IQSEC1: variants seen among roughly 807,000 people sequenced by gnomAD.
IQSEC1 encodes the protein IQ motif and Sec7 domain ArfGEF 1, also known as IQ motif and SEC7 domain-containing protein 1.
A neutral mutation model predicts 91.0 loss-of-function variants in IQSEC1; 31 were observed. The ratio of observed to expected loss-of-function variants is 0.34; its 90% CI spans 0.26 to 0.46. The LOEUF is 0.46. Ranked by LOEUF, IQSEC1 falls within the 20% of genes least tolerant of loss-of-function variation. IQSEC1 has a pLI of 1.00. For synonymous variants in IQSEC1, 699 were observed against 662.6 expected, an observed-to-expected ratio of 1.05 and a Z score of -0.84; for missense variants, 1,388 against 1,575.6, an observed-to-expected ratio of 0.88 and a Z score of 2.02.
chr3:13,135,395 G>A (rs1430282725), intron 2 of IQSEC1, among the ~76,000 whole-genome samples: 7 of 152,254 alleles, frequency 4.6e-5, no homozygotes, highest in Non-Finnish European at 1.0e-4. Context: ...CAGAAGGCTG[G>A]AGCCAGTGCC....
Position 12,956,817 on chromosome 3 carries a change from G to C in IQSEC1, c.24-14952C>G, listed in dbSNP as rs372261953. The stretch of plus-strand genomic sequence containing the variant: ...TACAGCTCCCCTACTTCCAGGCTGA[G>C]TGGCCCCAGGCAAGTGCCCTCCACT... On this transcript the variant is annotated intron_variant, in intron 1 of 13. Coordinates refer to ENST00000613206, the MANE Select transcript of IQSEC1 (RefSeq NM_001134382.3). Among the ~76,000 whole-genome samples, 5 of 152,294 alleles carry C rather than the reference G, an allele frequency of 3.3e-5. No homozygotes were observed. In the East Asian group the frequency reaches 9.7e-4, roughly 29 times the overall value.
chr3:12,977,200 T>C lies in IQSEC1; in HGVS notation c.24-35335A>G, dbSNP rs141650818. Among the ~76,000 whole-genome samples, 5 of 152,062 alleles carry C rather than the reference T, an allele frequency of 3.3e-5. No individual in the cohort carries two copies. In the East Asian group the frequency reaches 9.7e-4, roughly 29 times the overall value. On this transcript the variant is annotated intron_variant, in intron 1 of 13. Transcript: ENST00000613206. ...CATCTCTACTAAAAATATAAAAAAT[T>C]AGCCGGGTGTGGTGGCACATGCCTG...
At chr3:12,964,661 T>C (rs1212157411) in intron 1 of IQSEC1, among the ~76,000 whole-genome samples, 1 of 152,150 alleles carries the variant, frequency 6.6e-6, no homozygotes, top group African/African-American at 2.4e-5. Context: ...GTGTGGTAAC[T>C]TGCATACACT....
Position 12,967,712 on chromosome 3 carries a change from A to C in IQSEC1, c.24-25847T>G, listed in dbSNP as rs1490850374. The C allele has an allele frequency of 2.7e-6, 3 of 1,116,804 alleles. No individual in the cohort carries two copies. Among genetic ancestry groups the C allele is most frequent in the Non-Finnish European group, 3.3e-6 (3 of 916,730 alleles). The allele number at this position is 1,116,804 out of a possible 1,614,324, so 69.2% of individuals were successfully genotyped here. A position where few individuals can be genotyped will look rare whatever the true frequency, so the allele number is the denominator to read the frequency against. On this transcript the variant is annotated intron_variant, in intron 1 of 13. Transcript: ENST00000613206. This position sits in a 1 kb window ranked among gnomAD's most constrained non-coding sequence, Gnocchi z 5.9. ...TTGGCGCAGCGCGAGGCCGGGCCGG[A>C]GGAATGTGGCCCTGAAGTGGGCGGG...
chr3:12,959,179 G>C (rs1559674296), intron 1 of IQSEC1, among the ~76,000 whole-genome samples: 1 of 152,202 alleles, frequency 6.6e-6, no homozygotes, highest in Admixed American at 6.5e-5. Context: ...GAAGGAAAGA[G>C]GGCTGGGCAG....
intron 2 of IQSEC1, among the ~76,000 whole-genome samples, chr3:13,108,338 G>A (rs1286413008): frequency 6.6e-6 from 1 of 152,096 alleles, no homozygotes; most frequent in Non-Finnish European, 1.5e-5. Context: ...GTGTGGTGAG[G>A]CATTTTCTTA....
chr3:13,197,888 G>A (rs1044683902), intron 1 of IQSEC1, among the ~76,000 whole-genome samples: 1 of 152,242 alleles, frequency 6.6e-6, no homozygotes, highest in African/African-American at 2.4e-5. Flanking sequence ...CCCTGGTCTT[G>A]GAGGGCCTGA....
At position 13,100,992 on chromosome 3, in the gene IQSEC1, G is replaced by C. The variant is rs111813542; in HGVS notation, c.303-53470C>G. ...TGCCATGGGAGGACCTCGAGCAAGA[G>C]TGCTCCAGACAGAGAAAACAGCCCA... On this transcript the variant is annotated intron_variant, in intron 2 of 15. Coordinates refer to the IQSEC1 transcript ENST00000648114. Among the ~76,000 whole-genome samples, 524 of 127,064 alleles carry C rather than the reference G, an allele frequency of 4.1e-3. 70 individuals carry two copies. Among genetic ancestry groups the C allele is most frequent in the African/African-American group, 0.014 (431 of 30,770 alleles). 83.4% of individuals were successfully genotyped at this position (127,064 alleles called of 152,430 possible).
intron 2 of IQSEC1, among the ~76,000 whole-genome samples, chr3:13,081,156 T>C (rs1705642174): frequency 6.6e-6 from 1 of 152,210 alleles, no homozygotes; most frequent in Non-Finnish European, 1.5e-5. Context: ...AGCGTGTCCA[T>C]AACACACAAC....
intron 1 of IQSEC1, among the ~76,000 whole-genome samples, chr3:13,281,829 G>C (rs1695794991): frequency 6.6e-6 from 1 of 152,210 alleles, no homozygotes; most frequent in Non-Finnish European, 1.5e-5. Flanking sequence ...TGGGCCCCGG[G>C]TGATCCCGAA....
Position 12,915,726 on chromosome 3 carries a change from G to A in IQSEC1, c.2028C>T (p.Asp676=), listed in dbSNP as rs746067206. 19 of 1,613,760 alleles carry A rather than the reference G, an allele frequency of 1.2e-5. No individual in the cohort carries two copies. The highest frequency in any genetic ancestry group is 5.0e-5 in the Admixed American group (3 of 59,982). Residue 676 remains aspartate, a synonymous_variant, in exon 7 of 14, where the codon GAC becomes GAT. Transcript: ENST00000613206. ...TCTCACGGGGAATGTCCTCACCATC[G>A]TCCACACCTGGGTAGGGGATGCAGC... ...EDFIKNLRGV[D]DGEDIPREML... is the part of the protein sequence containing the mutation.
chr3:13,163,651 C>T (rs980790961), intron 2 of IQSEC1, among the ~76,000 whole-genome samples: 2 of 152,174 alleles, frequency 1.3e-5, no homozygotes, highest in African/African-American at 4.8e-5. Context: ...AGGGGCATTA[C>T]GCCTGCCGTG....
intron 9 of IQSEC1, among the ~76,000 whole-genome samples, chr3:12,911,945 T>C (rs1277838597): frequency 6.6e-6 from 1 of 152,096 alleles, no homozygotes; most frequent in Admixed American, 6.5e-5. Flanking sequence ...CCCCACAACC[T>C]GACATAGAGG....
rs1449594500 is a variant in IQSEC1 at position 12,899,690 on chromosome 3, T to G, written c.*1293A>C. On this transcript the variant is annotated 3_prime_UTR_variant, in exon 14 of 14. Coordinates refer to ENST00000613206, the MANE Select transcript of IQSEC1 (RefSeq NM_001134382.3). ...GGCTACATGGAATTACGGTGATCAC[T>G]GCTACCACTCAGAAAACAAAACGGG... The G allele has an allele frequency of 1.0e-6, 1 of 985,426 alleles. No homozygotes were observed. Among genetic ancestry groups the G allele is most frequent in the East Asian group, 1.1e-4 (1 of 8,812 alleles). 61.0% of individuals were successfully genotyped at this position (985,426 alleles called of 1,614,324 possible). A position where few individuals can be genotyped will look rare whatever the true frequency, so the allele number is the denominator to read the frequency against.
chr3:13,195,443 TA>T (rs1192720991), intron 1 of IQSEC1, among the ~76,000 whole-genome samples: 1 of 152,194 alleles, frequency 6.6e-6, no homozygotes, highest in Non-Finnish European at 1.5e-5. Flanking sequence ...CTTATAAAAC[TA>T]AACATGCAAT....
chr3:12,908,892 G>A lies in IQSEC1; in HGVS notation c.2579-367C>T, dbSNP rs1264663576. ...CATGTGCCTCCAAGGAGTAGACCTG[G>A]AGCCAGGGAGTAGACCTGGAGCCAG... On this transcript the variant is annotated intron_variant, in intron 11 of 13. Coordinates refer to ENST00000613206, the MANE Select transcript of IQSEC1 (RefSeq NM_001134382.3). This position sits in a 1 kb window ranked among gnomAD's most constrained non-coding sequence, Gnocchi z 4.9. Among the ~76,000 whole-genome samples, 1 of 151,968 alleles carries A rather than the reference G, an allele frequency of 6.6e-6. No homozygotes were observed. The highest frequency in any genetic ancestry group is 1.5e-5 in the Non-Finnish European group (1 of 67,962).
At chr3:13,165,731 T>C (rs1249413495) in intron 1 of IQSEC1, among the ~76,000 whole-genome samples, 1 of 151,758 alleles carries the variant, frequency 6.6e-6, no homozygotes, top group Non-Finnish European at 1.5e-5. Flanking sequence ...AGAAGCAGAT[T>C]TTCCACCCCT....
At chr3:13,017,387 T>C (rs1324540975) in intron 1 of IQSEC1, among the ~76,000 whole-genome samples, 1 of 152,204 alleles carries the variant, frequency 6.6e-6, no homozygotes, top group African/African-American at 2.4e-5. Flanking sequence ...CTCAGCAAAC[T>C]ACTTGCTGAT....
intron 2 of IQSEC1, among the ~76,000 whole-genome samples, chr3:13,122,220 C>A (rs6793557): frequency 0.082 from 12,446 of 152,262 alleles, 1,535 homozygotes; most frequent in African/African-American, 0.27. Flanking sequence ...CAAAAGGTAA[C>A]GGAGCCACGT....
Sources: allele counts gnomAD v4.1 joint callset (sites outside exome capture counted in the v4.1 genomes callset), GRCh38; gene constraint gnomAD v4.1.1; non-coding constraint Gnocchi (gnomAD v3.1); transcripts MANE v1.5; gene names NCBI Gene and HGNC (gene_info 2026-07-23, HGNC 2026-07-21).